C1orf185: variants seen among roughly 807,000 people sequenced by gnomAD.
C1orf185 encodes chromosome 1 open reading frame 185, also known as uncharacterized protein C1orf185.
In C1orf185, 13 loss-of-function variants were observed where a neutral mutation model predicts 16.1. The observed-to-expected ratio is 0.81, with a 90% CI of 0.53 to 1.28. The LOEUF is 1.28. Ranked by LOEUF, C1orf185 falls within the 50% of genes most tolerant of loss-of-function variation. C1orf185 has a pLI of 0.00. For missense variants in C1orf185, 220 were observed against 225.2 expected, an observed-to-expected ratio of 0.98 and a Z score of 0.15; for synonymous variants, 80 against 76.9, an observed-to-expected ratio of 1.04 and a Z score of -0.21.
At chr1:51,138,055 G>A (rs2148029397) in intron 3 of C1orf185, among the ~76,000 whole-genome samples, 1 of 152,262 alleles carries the variant, frequency 6.6e-6, no homozygotes, top group South Asian at 2.1e-4. Flanking sequence ...CTATAAGAAG[G>A]TGGAGGGTGA....
At chr1:51,106,728 A>AT (rs1242909765) in intron 1 of C1orf185, among the ~76,000 whole-genome samples, 26 of 149,960 alleles carry the variant, frequency 1.7e-4, no homozygotes, top group East Asian at 2.0e-4. Context: ...ATAAATGAAC[A>AT]TTTTTTTGTT....
chr1:51,143,199 GA>G (rs1646377851), intron 3 of C1orf185, among the ~76,000 whole-genome samples: 1 of 152,170 alleles, frequency 6.6e-6, no homozygotes, highest in Non-Finnish European at 1.5e-5. Context: ...AAGACACTTT[GA>G]AACCATACGA....
intron 3 of C1orf185, among the ~76,000 whole-genome samples, chr1:51,119,999 G>T (rs1282849946): frequency 6.6e-6 from 1 of 152,186 alleles, no homozygotes; most frequent in Non-Finnish European, 1.5e-5. Flanking sequence ...AGGCTGAATT[G>T]AGGAGGGCTT....
chr1:51,151,278 C>A (rs1167833156), downstream of C1orf185, among the ~76,000 whole-genome samples: 1 of 152,076 alleles, frequency 6.6e-6, no homozygotes, highest in Non-Finnish European at 1.5e-5. Context: ...TTCTACCAGT[C>A]AAGGTTCAGT....
chr1:51,103,333 G>A (rs986175910), intron 1 of C1orf185, among the ~76,000 whole-genome samples: 3 of 150,850 alleles, frequency 2.0e-5, no homozygotes, highest in Admixed American at 6.7e-5. Context: ...CTGGGCCCAG[G>A]ACTTTGAGAC....
intron 3 of C1orf185, among the ~76,000 whole-genome samples, chr1:51,124,117 TGTTGC>T (rs1646219822): frequency 7.0e-6 from 1 of 142,838 alleles, no homozygotes; most frequent in African/African-American, 2.6e-5. Flanking sequence ...AGTCTCGCAC[TGTTGC>T]CCAGGCTGGA....
At chr1:51,123,175 A>T (rs1348439372) in intron 3 of C1orf185, among the ~76,000 whole-genome samples, 1 of 152,066 alleles carries the variant, frequency 6.6e-6, no homozygotes, top group Admixed American at 6.6e-5. Flanking sequence ...CACTAGTCCC[A>T]CTCCTGTGAT....
At chr1:51,103,227 G>A (rs1646044618) in intron 1 of C1orf185, among the ~76,000 whole-genome samples, 1 of 151,816 alleles carries the variant, frequency 6.6e-6, no homozygotes, top group Admixed American at 6.6e-5. Flanking sequence ...GCAACATAGA[G>A]AGATTCCATC....
At chr1:51,150,350 G>A (rs1003185227), downstream of C1orf185, among the ~76,000 whole-genome samples, 1 of 151,918 alleles carries the variant, frequency 6.6e-6, no homozygotes, top group Non-Finnish European at 1.5e-5. Flanking sequence ...GTGCCAACAC[G>A]TCCAGCTAAT....
At chr1:51,112,651 A>C (rs1646129939) in intron 2 of C1orf185, 82 bp downstream of exon 2, 1 of 1,239,968 alleles carries the variant, frequency 8.1e-7, no homozygotes, top group Non-Finnish European at 1.1e-6. Context: ...AAGTAAACTT[A>C]AATAACTATG....
downstream of C1orf185, among the ~76,000 whole-genome samples, chr1:51,149,498 AC>A (rs1427002173): frequency 2.6e-5 from 4 of 152,196 alleles, no homozygotes; most frequent in Non-Finnish European, 5.9e-5. Context: ...AGCAGTAAAA[AC>A]AAAAATTTTA....
chr1:51,112,450 ATTTG>A lies in C1orf185; in HGVS notation c.17-8_17-5del, dbSNP rs1294681759. ...TACATGCATGAAATAATCTTTTGTA[ATTTG>A]TTTGTATAGGTTTTTTTAATTACTT... On this transcript the variant is annotated splice_polypyrimidine_tract_variant and intron_variant, in intron 1 of 4. Coordinates refer to ENST00000371759, the MANE Select transcript of C1orf185 (RefSeq NM_001136508.2). 13 of 1,514,056 alleles carry A rather than the reference ATTTG, an allele frequency of 8.6e-6. No individual in the cohort carries two copies. The highest frequency in any genetic ancestry group is 4.2e-5 in the African/African-American group (3 of 71,152). The allele number at this position is 1,514,056 out of a possible 1,614,324, so 93.8% of individuals were successfully genotyped here. A position where few individuals can be genotyped will look rare whatever the true frequency, so the allele number is the denominator to read the frequency against.
At chr1:51,129,299 C>T (rs888148228) in intron 3 of C1orf185, among the ~76,000 whole-genome samples, 1 of 152,172 alleles carries the variant, frequency 6.6e-6, no homozygotes, top group African/African-American at 2.4e-5. Flanking sequence ...AGCCGCTGCA[C>T]CCAGCCCATG....
intron 2 of C1orf185, among the ~76,000 whole-genome samples, chr1:51,114,330 CACTG>C (rs1646143053): frequency 6.6e-6 from 1 of 152,232 alleles, no homozygotes; most frequent in Non-Finnish European, 1.5e-5. Flanking sequence ...TAATAGCTAA[CACTG>C]ACTGCTTTCT....
chr1:51,111,370 C>CTTTTTTTTTTTTTTTTTTTTTT lies in C1orf185; in HGVS notation c.17-1091_17-1090insTTTTTTTTTTTTTTTTTTTTTT, dbSNP rs35232347. Among the ~76,000 whole-genome samples, 62 of 114,408 alleles carry CTTTTTTTTTTTTTTTTTTTTTT rather than the reference C, an allele frequency of 5.4e-4. 7 individuals carry two copies. Among genetic ancestry groups the CTTTTTTTTTTTTTTTTTTTTTT allele is most frequent in the African/African-American group, 1.1e-3 (29 of 27,346 alleles). 75.1% of individuals were successfully genotyped at this position (114,408 alleles called of 152,430 possible). On this transcript the variant is annotated intron_variant, in intron 1 of 4. Transcript: ENST00000371759. ...ATATTGCTTTCATTTAGCTTTCTTT[C>CTTTTTTTTTTTTTTTTTTTTTT]TTTCTTTTTTTTTTTTTTTGAGAGA...
chr1:51,137,168 T>C (rs1447325909), intron 3 of C1orf185, among the ~76,000 whole-genome samples: 1 of 152,092 alleles, frequency 6.6e-6, no homozygotes, highest in East Asian at 1.9e-4. Context: ...AAGTTCAATA[T>C]CACTGATCAT....
intron 1 of C1orf185, among the ~76,000 whole-genome samples, chr1:51,103,315 A>C (rs972246328): frequency 1.3e-4 from 20 of 151,406 alleles, no homozygotes; most frequent in Admixed American, 1.2e-3. Context: ...CTGAGGTGGG[A>C]GGATCAGCTG....
At chr1:51,102,325 A>G in intron 1 of C1orf185, 76 bp downstream of exon 1, 1 of 704,036 alleles carries the variant, frequency 1.4e-6, no homozygotes, top group East Asian at 2.7e-5. Context: ...GAACAACCAG[A>G]AATCTATTTC....
intron 2 of C1orf185, among the ~76,000 whole-genome samples, chr1:51,115,952 C>T (rs554771716): frequency 6.6e-6 from 1 of 152,054 alleles, no homozygotes; most frequent in Non-Finnish European, 1.5e-5. Flanking sequence ...TAAGCAGATA[C>T]GTAGTTTATA....
Sources: allele counts gnomAD v4.1 joint callset (sites outside exome capture counted in the v4.1 genomes callset), GRCh38; gene constraint gnomAD v4.1.1; transcripts MANE v1.5; gene names NCBI Gene and HGNC (gene_info 2026-07-23, HGNC 2026-07-21).